The following EPHA8 variants were observed in gnomAD, a reference collection of about 807,000 sequenced individuals.
EPHA8 encodes ephrin type-A receptor 8.
Under a neutral mutation model 103.6 loss-of-function variants are expected in EPHA8, and 58 were observed. The observed-to-expected ratio is 0.56, with a 90% confidence interval of 0.45 to 0.70. The LOEUF (loss-of-function observed/expected upper bound fraction) is 0.70, where lower values mean the gene tolerates loss of function less well. Ranked by LOEUF, EPHA8 falls within the 30% of genes least tolerant of loss-of-function variation. EPHA8 has a pLI of 0.00. For synonymous variants in EPHA8, 559 were observed against 572.5 expected, an observed-to-expected ratio of 0.98 and a Z score of 0.34; for missense variants, 1,304 against 1,395.2, an observed-to-expected ratio of 0.93 and a Z score of 1.04.
At chr1:22,571,829 G>A (rs549701129) in intron 2 of EPHA8, among the ~76,000 whole-genome samples, 2 of 152,182 alleles carry the variant, frequency 1.3e-5, no homozygotes, top group African/African-American at 4.8e-5. Context: ...TTGCGACCAG[G>A]AGTTCGAGAC....
chr1:22,572,105 C>T (rs1640558702), intron 2 of EPHA8, among the ~76,000 whole-genome samples: 1 of 152,192 alleles, frequency 6.6e-6, no homozygotes, highest in Non-Finnish European at 1.5e-5. Flanking sequence ...GGAGATGGTC[C>T]TTGAGGTTCT....
chr1:22,598,005 G>C lies in EPHA8; in HGVS notation c.2116+144G>C. On this transcript the variant is annotated intron_variant, in intron 11 of 16. Coordinates refer to ENST00000166244, the MANE Select transcript of EPHA8 (RefSeq NM_020526.5). This position sits in a 1 kb window ranked among gnomAD's most constrained non-coding sequence, Gnocchi z 5.1. ...GTCCCTGAATGACTCGGGGTGCCCA[G>C]AGCCTGGGACCCCAGTGGAAACCCA... 1 of 1,435,334 alleles carries C rather than the reference G, an allele frequency of 7.0e-7. No homozygotes were observed. Among genetic ancestry groups the C allele is most frequent in the Admixed American group, 1.9e-5 (1 of 51,812 alleles). 88.9% of individuals were successfully genotyped at this position (1,435,334 alleles called of 1,614,324 possible).
chr1:22,575,911 C>T (rs550250578), intron 2 of EPHA8, among the ~76,000 whole-genome samples: 2 of 152,260 alleles, frequency 1.3e-5, no homozygotes, highest in East Asian at 3.9e-4. Context: ...GAGGGCAGAG[C>T]TTTGGCATCA....
chr1:22,570,736 G>A (rs1640520878), intron 2 of EPHA8, among the ~76,000 whole-genome samples: 1 of 152,248 alleles, frequency 6.6e-6, no homozygotes, highest in African/African-American at 2.4e-5. Flanking sequence ...ACATGGCCCT[G>A]GCTCTCCAGG....
intron 3 of EPHA8, among the ~76,000 whole-genome samples, chr1:22,585,049 G>GTGTGTGTGTA (rs1641157441): frequency 7.8e-6 from 1 of 127,508 alleles, no homozygotes; most frequent in Admixed American, 7.4e-5. Flanking sequence ...GTGTGTGTGT[G>GTGTGTGTGTA]TGCGCACGCG....
chr1:22,591,075 C>T (rs1455208758), intron 5 of EPHA8, among the ~76,000 whole-genome samples: 1 of 152,136 alleles, frequency 6.6e-6, no homozygotes, highest in South Asian at 2.1e-4. Flanking sequence ...TTCTCCACAC[C>T]AGTCCTGAGT....
intron 2 of EPHA8, among the ~76,000 whole-genome samples, chr1:22,574,271 G>T (rs919976103): frequency 1.3e-5 from 2 of 152,152 alleles, no homozygotes; most frequent in Non-Finnish European, 2.9e-5. Flanking sequence ...GAGCCACCGC[G>T]CCCGGCCAGG....
At chr1:22,564,617 G>C (rs1640302814) in intron 1 of EPHA8, among the ~76,000 whole-genome samples, 5 of 151,960 alleles carry the variant, frequency 3.3e-5, no homozygotes, top group Admixed American at 2.0e-4. Flanking sequence ...CTGGTGGTGG[G>C]GGCACAAGAA....
At chr1:22,578,891 G>C (rs942025924) in intron 3 of EPHA8, among the ~76,000 whole-genome samples, 25 of 147,466 alleles carry the variant, frequency 1.7e-4, no homozygotes, top group Admixed American at 4.7e-4. Flanking sequence ...GTCCGTGTGT[G>C]CATGTGTGCA....
At chr1:22,578,100 G>GTGTGTGCATGTAGCGTCAC (rs1640807450) in intron 3 of EPHA8, among the ~76,000 whole-genome samples, 1 of 19,866 alleles carries the variant, frequency 5.0e-5, no homozygotes, top group Non-Finnish European at 1.2e-4. Context: ...TGTAGCGTCA[G>GTGTGTGCATGTAGCGTCAC]TGTATGCATG....
rs530315979 is a variant in EPHA8, at chr1:22,602,157, A to G, written c.*416A>G. The G allele has an allele frequency of 4.8e-4, 121 of 252,948 alleles. 2 individuals are homozygous for G. In the South Asian group the frequency reaches 6.4e-3, roughly 13 times the overall value. 15.7% of individuals were successfully genotyped at this position (252,948 alleles called of 1,614,324 possible). On this transcript the variant is annotated 3_prime_UTR_variant, in exon 17 of 17. Coordinates refer to ENST00000166244, the MANE Select transcript of EPHA8 (RefSeq NM_020526.5). Reference sequence around the variant, plus strand: ...TTCGGGTCTCAGCATGGACGTGTGCATGTTATGAGCGTGTGCTTATCCGTT... The same window carrying G: ...TTCGGGTCTCAGCATGGACGTGTGCGTGTTATGAGCGTGTGCTTATCCGTT...
chr1:22,600,457 C>T (rs370653460), intron 13 of EPHA8, among the ~76,000 whole-genome samples: 74 of 152,100 alleles, frequency 4.9e-4, no homozygotes, highest in Middle Eastern at 6.8e-3. Context: ...CTGCTTGTAC[C>T]AGGCGTCTCA....
At position 22,596,138 on chromosome 1, in the gene EPHA8, C is replaced by T. The variant is rs754330833; in HGVS notation, c.1730C>T (p.Ser577Leu). 6 of 1,613,894 alleles carry T rather than the reference C, an allele frequency of 3.7e-6. No homozygotes were observed. In the Admixed American group the frequency reaches 5.0e-5, roughly 13 times the overall value. The change falls in exon 9 of 17, where the codon TCG becomes TTG. Residue 577 changes from serine (S) to leucine (L), a missense_variant. By Grantham distance (145) the Ser-to-Leu change is moderately radical. Transcript: ENST00000166244. Reference protein sequence around the residue: ...HCGYSKAFQDSDEEKMHYQNG... With the variant: ...HCGYSKAFQDLDEEKMHYQNG... ...GGCTACAGCAAGGCCTTCCAGGACT[C>T]GGACGAGGAGAAGATGCACTATCAG... is the stretch of plus-strand genomic sequence containing the variant.
At chr1:22,592,869 G>C (rs766494840) in intron 5 of EPHA8, among the ~76,000 whole-genome samples, 6 of 152,144 alleles carry the variant, frequency 3.9e-5, no homozygotes, top group Non-Finnish European at 5.9e-5. Flanking sequence ...GCAACCAAGT[G>C]TGACTGGGAG....
rs79330282 is a variant in EPHA8, at chr1:22,589,398, A to G, written c.1315+192A>G. 6,567 of 1,518,578 alleles carry G rather than the reference A, an allele frequency of 4.3e-3. 20 individuals carry two copies. The highest frequency in any genetic ancestry group is 5.4e-3 in the Non-Finnish European group (6,139 of 1,139,550). 94.1% of individuals were successfully genotyped at this position (1,518,578 alleles called of 1,614,324 possible). A position where few individuals can be genotyped will look rare whatever the true frequency, so the allele number is the denominator to read the frequency against. ...CCTTTAGAAAAGTGGAACACATTCTATAAGTAAGAGAAATCCCAAAAGCTC... is the reference window on the plus strand; with the variant it reads ...CCTTTAGAAAAGTGGAACACATTCTGTAAGTAAGAGAAATCCCAAAAGCTC... On this transcript the variant is annotated intron_variant, in intron 5 of 16. Transcript: ENST00000166244. This position sits in a 1 kb window ranked among gnomAD's most constrained non-coding sequence, Gnocchi z 4.3.
At chr1:22,578,599 ATGTGTGCATGAGTGTATGTCTGCG>A (rs1396591002) in intron 3 of EPHA8, among the ~76,000 whole-genome samples, 1 of 146,458 alleles carries the variant, frequency 6.8e-6, no homozygotes, top group African/African-American at 2.5e-5. Context: ...GCGTGTGTGC[ATGTGTGCATGAGTGTATGTCTGCG>A]TGTGTGCATG....
At chr1:22,581,196 C>T (rs1243479603) in intron 3 of EPHA8, among the ~76,000 whole-genome samples, 1 of 152,184 alleles carries the variant, frequency 6.6e-6, no homozygotes, top group Non-Finnish European at 1.5e-5. Flanking sequence ...CTGACTCCAG[C>T]ACCTTCAATT....
chr1:22,579,185 G>A (rs55881665), intron 3 of EPHA8, among the ~76,000 whole-genome samples: 9 of 151,406 alleles, frequency 5.9e-5, no homozygotes, highest in East Asian at 2.0e-4. Context: ...GCATGTGTGC[G>A]TGAATATATG....
At chr1:22,571,845 T>A (rs1640551600) in intron 2 of EPHA8, among the ~76,000 whole-genome samples, 1 of 152,096 alleles carries the variant, frequency 6.6e-6, no homozygotes, top group African/African-American at 2.4e-5. Flanking sequence ...GAGACCAGCC[T>A]GGGCAACATA....
Sources: allele counts gnomAD v4.1 joint callset (sites outside exome capture counted in the v4.1 genomes callset), GRCh38; gene constraint gnomAD v4.1.1; non-coding constraint Gnocchi (gnomAD v3.1); transcripts MANE v1.5; gene names NCBI Gene and HGNC (gene_info 2026-07-23, HGNC 2026-07-21).